Variants in EDA observed in about 807,000 individuals in gnomAD.
EDA encodes ectodysplasin A, also known as ectodysplasin-A.
A neutral mutation model predicts 23.6 loss-of-function variants in EDA; 2 were observed. That is an observed-to-expected ratio of 0.08 (90% CI 0.03 to 0.27). EDA has a LOEUF of 0.27. EDA is among the 10% of genes least tolerant of loss of function. The pLI, the probability that EDA is intolerant of heterozygous loss-of-function variation, is 1.00. For synonymous variants in EDA, 131 were observed against 132.0 expected (o/e 0.99, Z 0.05); for missense variants, 229 against 324.2 (o/e 0.71, Z 2.26).
intron 2 of EDA, among the ~76,000 whole-genome samples, chrX:69,995,210 C>T (rs1264784192): frequency 1.8e-5 from 2 of 112,104 alleles, no homozygotes; most frequent in East Asian, 5.6e-4. Flanking sequence ...AACAATGTTT[C>T]CTTGAGACAG....
intron 1 of EDA, among the ~76,000 whole-genome samples, chrX:69,916,700 C>T (rs959921556): frequency 9.1e-6 from 1 of 109,614 alleles, no homozygotes; most frequent in African/African-American, 3.3e-5. Context: ...CCACCACACC[C>T]GGCCTAATCT....
intron 1 of EDA, among the ~76,000 whole-genome samples, chrX:69,621,909 A>T: frequency 9.3e-6 from 1 of 107,062 alleles, no homozygotes; most frequent in African/African-American, 3.7e-5. Context: ...CCTCATTTTT[A>T]ATTTTTTATA....
intron 1 of EDA, among the ~76,000 whole-genome samples, chrX:69,694,824 G>A (rs2011278001): frequency 9.0e-6 from 1 of 111,328 alleles, no homozygotes; most frequent in African/African-American, 3.3e-5. Context: ...TAACTCAAAG[G>A]GTTAGCTTTA....
chrX:69,913,726 G>A (rs755262072), intron 1 of EDA, among the ~76,000 whole-genome samples: 3 of 111,997 alleles, frequency 2.7e-5, no homozygotes, highest in East Asian at 5.6e-4. Flanking sequence ...AGCCTATCTC[G>A]GCTTTCAACA....
chrX:69,863,042 G>GA (rs59012644), intron 1 of EDA, among the ~76,000 whole-genome samples: 30,646 of 92,777 alleles, frequency 0.33, 4,492 homozygotes, highest in Middle Eastern at 0.51. Flanking sequence ...TTTATTTTCT[G>GA]AAAAAAAAAA....
intron 1 of EDA, among the ~76,000 whole-genome samples, chrX:69,646,177 A>C (rs145258128): frequency 0.014 from 1,539 of 111,284 alleles, 19 homozygotes; most frequent in African/African-American, 0.046. Context: ...TGAGGTGGAG[A>C]GTTCTATAGA....
chrX:69,864,829 A>G (rs1228258974), intron 1 of EDA, among the ~76,000 whole-genome samples: 3 of 110,609 alleles, frequency 2.7e-5, no homozygotes, highest in Non-Finnish European at 5.7e-5. Flanking sequence ...CACCTCTACT[A>G]AAATTACAAA....
chrX:69,618,928 A>T (rs1285090841), intron 1 of EDA, among the ~76,000 whole-genome samples: 1 of 112,073 alleles, frequency 8.9e-6, no homozygotes, highest in East Asian at 2.8e-4. Flanking sequence ...TAACTTTTTA[A>T]AAAAGTTGAT....
At chrX:69,921,845 T>A (rs1353599331) in intron 1 of EDA, among the ~76,000 whole-genome samples, 1 of 111,415 alleles carries the variant, frequency 9.0e-6, no homozygotes, top group Non-Finnish European at 1.9e-5. Context: ...CTTTTTGGCC[T>A]GTAAAATTAT....
chrX:69,859,680 T>G (rs1445014483), intron 1 of EDA, among the ~76,000 whole-genome samples: 1 of 111,864 alleles, frequency 8.9e-6, no homozygotes, highest in Non-Finnish European at 1.9e-5. Flanking sequence ...CATGTAGTGA[T>G]GAGAAGAATG....
chrX:69,654,038 T>C (rs1379916966), intron 1 of EDA, among the ~76,000 whole-genome samples: 15 of 111,513 alleles, frequency 1.3e-4, no homozygotes, highest in South Asian at 3.8e-4. Flanking sequence ...AGAAAATTTT[T>C]GCAACCTACT....
chrX:69,652,936 G>A (rs1933152123), intron 1 of EDA, among the ~76,000 whole-genome samples: 1 of 111,485 alleles, frequency 9.0e-6, no homozygotes, highest in African/African-American at 3.3e-5. Flanking sequence ...TGTTCTTTTG[G>A]CTTAGGATTG....
At chrX:69,689,799 G>A (rs1447184372) in intron 1 of EDA, among the ~76,000 whole-genome samples, 1 of 111,705 alleles carries the variant, frequency 9.0e-6, no homozygotes, top group Admixed American at 9.5e-5. Flanking sequence ...AGTCTATAAT[G>A]TGGGATGTCT....
At chrX:69,786,248 G>T (rs1383835163) in intron 1 of EDA, among the ~76,000 whole-genome samples, 5 of 111,146 alleles carry the variant, frequency 4.5e-5, no homozygotes, top group Non-Finnish European at 7.5e-5. Context: ...CCAGCGCCTG[G>T]ATTCATTAAG....
intron 2 of EDA, among the ~76,000 whole-genome samples, chrX:70,019,324 CCAGCAATCT>C (rs1329538370): frequency 6.3e-5 from 7 of 111,672 alleles, no homozygotes; most frequent in Non-Finnish European, 1.1e-4. Flanking sequence ...AGCATGCAAC[CCAGCAATCT>C]CATTATTGGG....
intron 1 of EDA, among the ~76,000 whole-genome samples, chrX:69,827,093 T>G (rs1325954002): frequency 8.9e-6 from 1 of 112,015 alleles, no homozygotes; most frequent in East Asian, 2.8e-4. Flanking sequence ...GGGCTTCCCT[T>G]TGAGGGTAAC....
At chrX:70,008,744 G>C (rs780291339) in intron 2 of EDA, among the ~76,000 whole-genome samples, 3 of 110,852 alleles carry the variant, frequency 2.7e-5, no homozygotes, top group African/African-American at 9.8e-5. Context: ...ACATGTGCAG[G>C]TTTGCTATAT....
At chrX:69,773,257 G>A (rs928497260) in intron 1 of EDA, among the ~76,000 whole-genome samples, 2 of 112,348 alleles carry the variant, frequency 1.8e-5, no homozygotes, top group African/African-American at 6.5e-5. Flanking sequence ...TTTTAAGGCT[G>A]AATAATATTC....
intron 1 of EDA, among the ~76,000 whole-genome samples, chrX:69,652,452 A>G (rs1933134801): frequency 8.9e-6 from 1 of 112,024 alleles, no homozygotes; most frequent in African/African-American, 3.2e-5. Flanking sequence ...GAAACGGTAA[A>G]GGGATCATTA....
Sources: allele counts gnomAD v4.1 joint callset (sites outside exome capture counted in the v4.1 genomes callset), GRCh38; gene constraint gnomAD v4.1.1; transcripts MANE v1.5; gene names NCBI Gene and HGNC (gene_info 2026-07-23, HGNC 2026-07-21).